TENT5D: variants seen among roughly 807,000 people sequenced by gnomAD.
The protein encoded by TENT5D is terminal nucleotidyltransferase 5D, also known as cancer/testis antigen 112.
For missense variants in TENT5D, 191 were observed against 287.0 expected (o/e 0.67, Z 2.42); for synonymous variants, 103 against 100.6 (o/e 1.02, Z -0.15).
intron 3 of TENT5D, among the ~76,000 whole-genome samples, chrX:80,403,773 G>T (rs938845824): frequency 8.9e-6 from 1 of 111,781 alleles, no homozygotes; most frequent in Admixed American, 9.5e-5. Context: ...AGATTGCTTT[G>T]GGTGGATTGG....
intron 3 of TENT5D, among the ~76,000 whole-genome samples, chrX:80,396,772 C>T (rs1393576243): frequency 3.0e-5 from 3 of 100,051 alleles, no homozygotes; most frequent in African/African-American, 1.1e-4. Context: ...ATGGCCCGTT[C>T]TCAATGAGCT....
At chrX:80,358,028 G>T (rs928305233) in intron 3 of TENT5D, among the ~76,000 whole-genome samples, 3 of 111,399 alleles carry the variant, frequency 2.7e-5, no homozygotes, top group Admixed American at 1.9e-4. Flanking sequence ...TCAACTATCT[G>T]ATCTTTGACA....
At chrX:80,426,590 G>C (rs1931992943) in intron 1 of TENT5D, among the ~76,000 whole-genome samples, 1 of 111,363 alleles carries the variant, frequency 9.0e-6, no homozygotes, top group Non-Finnish European at 1.9e-5. Context: ...ATACTCCTTT[G>C]AATTTAGTTA....
intron 3 of TENT5D, among the ~76,000 whole-genome samples, chrX:80,377,539 T>C (rs779992063): frequency 4.5e-4 from 50 of 111,701 alleles, no homozygotes; most frequent in African/African-American, 1.6e-3. Context: ...TCCAGCTTCA[T>C]CCATGTCCCT....
chrX:80,397,710 C>T (rs1246518517), intron 3 of TENT5D, among the ~76,000 whole-genome samples: 2 of 112,718 alleles, frequency 1.8e-5, no homozygotes, highest in Admixed American at 9.3e-5. Flanking sequence ...GCGGATCACT[C>T]GCGGTTAGGA....
chrX:80,439,686 G>T, intron 2 of TENT5D, among the ~76,000 whole-genome samples: 1 of 110,520 alleles, frequency 9.0e-6, no homozygotes, highest in South Asian at 3.8e-4. Flanking sequence ...ATTTTTGGAG[G>T]CATGTATAGA....
At chrX:80,371,121 G>A (rs1930617441) in intron 3 of TENT5D, among the ~76,000 whole-genome samples, 1 of 111,818 alleles carries the variant, frequency 8.9e-6, no homozygotes, top group Non-Finnish European at 1.9e-5. Flanking sequence ...TACCTCCTAA[G>A]AGAGACTTTC....
chrX:80,379,835 G>T (rs994074813), intron 3 of TENT5D, among the ~76,000 whole-genome samples: 2 of 109,912 alleles, frequency 1.8e-5, no homozygotes, highest in African/African-American at 6.6e-5. Flanking sequence ...GCACCTATTT[G>T]ATTCTTCTCT....
At chrX:80,442,801 G>A in exon 3 of TENT5D, 2 of 1,211,010 alleles carry the variant, frequency 1.7e-6, no homozygotes, top group Admixed American at 2.2e-5. Flanking sequence ...CGTTATTTTT[G>A]GTGTTGAGCT....
upstream of TENT5D, chrX:80,420,355 A>T (rs1006176067): frequency 9.1e-6 from 1 of 110,152 alleles, no homozygotes; most frequent in African/African-American, 3.3e-5. Flanking sequence ...TGCCCTATTT[A>T]AATTTATTTT....
At position 80,427,031 on chromosome X, in the gene TENT5D, C is replaced by T. The variant is rs138254811; in HGVS notation, c.-142+6468C>T. Among the ~76,000 whole-genome samples the T allele has an allele frequency of 3.8e-3, 422 of 111,668 alleles. 4 individuals are homozygous for T. The highest frequency in any genetic ancestry group is 0.013 in the African/African-American group (411 of 30,722). Reference sequence around the variant, plus strand: ...CTTGCTGCCACCATGTAAGAAGTGCCTTTCGCCTCCCACCATGATCCTGAG... The same window carrying T: ...CTTGCTGCCACCATGTAAGAAGTGCTTTTCGCCTCCCACCATGATCCTGAG... On this transcript the variant is annotated intron_variant, in intron 1 of 2. Transcript: ENST00000308293.
chrX:80,420,602 T>C, intron 1 of TENT5D, 39 bp downstream of exon 1: 1 of 111,672 alleles, frequency 9.0e-6, no homozygotes, highest in East Asian at 2.8e-4. Flanking sequence ...TCTTTTAGTT[T>C]TAACTCTGAG....
intron 3 of TENT5D, among the ~76,000 whole-genome samples, chrX:80,386,955 G>A (rs763677066): frequency 2.7e-5 from 3 of 112,161 alleles, no homozygotes; most frequent in Admixed American, 9.5e-5. Context: ...TCAGTCATTT[G>A]TAGTCCTCTA....
At chrX:80,406,250 G>A (rs755171291) in intron 3 of TENT5D, among the ~76,000 whole-genome samples, 2 of 112,397 alleles carry the variant, frequency 1.8e-5, no homozygotes, top group South Asian at 3.7e-4. Flanking sequence ...GCTGGATGGA[G>A]AATGACTTCG....
Position 80,364,814 on chromosome X carries a change from T to C in TENT5D, c.-142+22250T>C, listed in dbSNP as rs1157830350. On this transcript the variant is annotated intron_variant, in intron 3 of 4. Coordinates refer to the TENT5D transcript ENST00000538312. ...CCCTACCCACAATTAGGTAACTTTTTACTTTTATTACTTTAAAAACATTAT... is the reference window on the plus strand; with the variant it reads ...CCCTACCCACAATTAGGTAACTTTTCACTTTTATTACTTTAAAAACATTAT... Among the ~76,000 whole-genome samples the C allele has an allele frequency of 3.6e-5, 4 of 110,703 alleles. No homozygotes were observed. In the East Asian group the frequency reaches 1.1e-3, roughly 31 times the overall value.
At chrX:80,394,531 A>G (rs772528149) in intron 3 of TENT5D, among the ~76,000 whole-genome samples, 2 of 105,562 alleles carry the variant, frequency 1.9e-5, no homozygotes, top group African/African-American at 3.5e-5. Flanking sequence ...AGCTGGGATT[A>G]CAGACATGCG....
At chrX:80,368,879 A>G (rs933919139) in intron 3 of TENT5D, among the ~76,000 whole-genome samples, 1 of 112,008 alleles carries the variant, frequency 8.9e-6, no homozygotes, top group Non-Finnish European at 1.9e-5. Context: ...CTTGGGGACC[A>G]TGGAAATCAG....
At chrX:80,392,514 T>C (rs1328945829) in intron 3 of TENT5D, among the ~76,000 whole-genome samples, 5 of 65,051 alleles carry the variant, frequency 7.7e-5, no homozygotes, top group African/African-American at 2.0e-4. Flanking sequence ...TTTTTTTTTT[T>C]TTTTTTTTTT....
chrX:80,383,615 G>C (rs770850170), intron 3 of TENT5D, among the ~76,000 whole-genome samples: 2 of 112,226 alleles, frequency 1.8e-5, no homozygotes, highest in East Asian at 5.6e-4. Flanking sequence ...CCAGCACTTT[G>C]TGAGGCCGAG....
Sources: allele counts gnomAD v4.1 joint callset (sites outside exome capture counted in the v4.1 genomes callset), GRCh38; gene constraint gnomAD v4.1.1; transcripts MANE v1.5; gene names NCBI Gene and HGNC (gene_info 2026-07-23, HGNC 2026-07-21).